The following PCDH15 variants were observed in gnomAD, a reference collection of about 807,000 sequenced individuals.
The protein encoded by PCDH15 is protocadherin related 15.
In PCDH15, 129 loss-of-function variants were observed where a neutral mutation model predicts 178.5. The ratio of observed to expected loss-of-function variants is 0.72; its 90% CI spans 0.63 to 0.84. PCDH15 has a LOEUF of 0.84. PCDH15 is among the 40% of genes least tolerant of loss of function. The pLI is 0.00. For missense variants in PCDH15, 2,230 were observed against 2,099.9 expected, an observed-to-expected ratio of 1.06 and a Z score of -1.21; for synonymous variants, 800 against 732.0, an observed-to-expected ratio of 1.09 and a Z score of -1.50.
At chr10:54,810,840 T>C (rs999068418) in intron 3 of PCDH15, among the ~76,000 whole-genome samples, 4 of 152,172 alleles carry the variant, frequency 2.6e-5, no homozygotes, top group African/African-American at 9.6e-5. Flanking sequence ...CATAGGCTAA[T>C]TTTTGAGAAA....
At chr10:54,484,821 G>C (rs11004334) in intron 3 of PCDH15, among the ~76,000 whole-genome samples, 1 of 151,774 alleles carries the variant, frequency 6.6e-6, no homozygotes, top group African/African-American at 2.4e-5. Flanking sequence ...AAGAAGCCTT[G>C]TTTGATAGTG....
intron 2 of PCDH15, among the ~76,000 whole-genome samples, chr10:54,980,501 C>T (rs774643327): frequency 9.2e-5 from 14 of 151,914 alleles, no homozygotes; most frequent in Non-Finnish European, 1.8e-4. Flanking sequence ...TTCAAGTATT[C>T]TGCATTTAGT....
chr10:55,520,157 A>G (rs1411973778), intron 2 of PCDH15, among the ~76,000 whole-genome samples: 1 of 96,524 alleles, frequency 1.0e-5, no homozygotes, highest in Admixed American at 1.2e-4. Flanking sequence ...TATACACGCA[A>G]TGTGTATATA....
intron 2 of PCDH15, among the ~76,000 whole-genome samples, chr10:54,563,360 C>T (rs2088503503): frequency 6.6e-6 from 1 of 152,074 alleles, no homozygotes; most frequent in Admixed American, 6.6e-5. Context: ...TTTGTTCTTG[C>T]ATTTGAACAA....
chr10:54,415,432 A>G (rs895330086), intron 3 of PCDH15, among the ~76,000 whole-genome samples: 4 of 152,056 alleles, frequency 2.6e-5, no homozygotes, highest in African/African-American at 7.2e-5. Flanking sequence ...GAGAAGTACT[A>G]AAGTAAGTAA....
intron 2 of PCDH15, among the ~76,000 whole-genome samples, chr10:54,972,094 G>A (rs985977877): frequency 6.6e-6 from 1 of 152,088 alleles, no homozygotes; most frequent in Non-Finnish European, 1.5e-5. Flanking sequence ...TACTTCCCAC[G>A]GGGCTTCAAA....
chr10:55,206,879 G>A (rs1840416838), intron 1 of PCDH15, among the ~76,000 whole-genome samples: 1 of 152,016 alleles, frequency 6.6e-6, no homozygotes, highest in African/African-American at 2.4e-5. Context: ...AGATAGATAT[G>A]ATGAATGATT....
At chr10:55,465,256 C>G (rs1038809181) in intron 2 of PCDH15, among the ~76,000 whole-genome samples, 1 of 152,110 alleles carries the variant, frequency 6.6e-6, no homozygotes, top group African/African-American at 2.4e-5. Flanking sequence ...GAGTCCAAAA[C>G]AGTATGGAGG....
chr10:55,559,022 C>T (rs898097394), intron 2 of PCDH15, among the ~76,000 whole-genome samples: 2 of 152,078 alleles, frequency 1.3e-5, no homozygotes, highest in Non-Finnish European at 2.9e-5. Context: ...CCTTATGTCA[C>T]CTCCCAGTGC....
chr10:55,001,091 C>T (rs765897265), intron 2 of PCDH15, among the ~76,000 whole-genome samples: 1 of 152,152 alleles, frequency 6.6e-6, no homozygotes, highest in Non-Finnish European at 1.5e-5. Flanking sequence ...GAGAGCTAGA[C>T]ATTCACAGGG....
At chr10:54,640,482 A>AT (rs1463421744) in intron 2 of PCDH15, among the ~76,000 whole-genome samples, 1 of 152,038 alleles carries the variant, frequency 6.6e-6, no homozygotes, top group Non-Finnish European at 1.5e-5. Flanking sequence ...CTGAACAATG[A>AT]TTTTTTTCCT....
intron 3 of PCDH15, among the ~76,000 whole-genome samples, chr10:54,408,708 ACT>A (rs375847080): frequency 2.7e-4 from 41 of 152,298 alleles, no homozygotes; most frequent in Non-Finnish European, 5.1e-4. Flanking sequence ...GATTGGGGTT[ACT>A]CTGACAAGAT....
intron 2 of PCDH15, among the ~76,000 whole-genome samples, chr10:55,112,413 C>T (rs1389009075): frequency 2.6e-5 from 4 of 151,672 alleles, no homozygotes; most frequent in African/African-American, 9.7e-5. Context: ...GAAAGCGAAG[C>T]AGGAAAATAG....
At position 54,198,650 on chromosome 10, in the gene PCDH15, C is replaced by T. The variant is rs953590850; in HGVS notation, c.1099-2761G>A. ...CCAAGTAGTTGGGACTACAGGCGCC[C>T]GCCACTACGCCCGGCTAATTTTTTG... On this transcript the variant is annotated intron_variant, in intron 10 of 37. Coordinates refer to ENST00000644397, the MANE Select transcript of PCDH15 (RefSeq NM_001384140.1). Among the ~76,000 whole-genome samples the T allele has an allele frequency of 5.8e-5, 7 of 121,436 alleles. 3 individuals carry two copies. Among genetic ancestry groups the T allele is most frequent in the African/African-American group, 3.1e-4 (7 of 22,444 alleles). 79.7% of individuals were successfully genotyped at this position (121,436 alleles called of 152,430 possible).
intron 9 of PCDH15, among the ~76,000 whole-genome samples, chr10:54,225,282 T>C (rs1182066003): frequency 6.6e-6 from 1 of 152,206 alleles, no homozygotes; most frequent in East Asian, 1.9e-4. Context: ...CTCTTCATGG[T>C]ACATGATACG....
chr10:54,034,746 C>T (rs1037208307), intron 18 of PCDH15, among the ~76,000 whole-genome samples: 20 of 152,008 alleles, frequency 1.3e-4, no homozygotes, highest in African/African-American at 4.6e-4. Context: ...CTAGTACCTT[C>T]CTGTGTGCTA....
chr10:55,248,558 T>C (rs1160498096), intron 1 of PCDH15, among the ~76,000 whole-genome samples: 1 of 152,052 alleles, frequency 6.6e-6, no homozygotes, highest in Non-Finnish European at 1.5e-5. Context: ...AATAAAAATA[T>C]TTAGTATTGT....
chr10:54,060,402 T>A (rs2093988754), intron 18 of PCDH15, among the ~76,000 whole-genome samples: 1 of 152,136 alleles, frequency 6.6e-6, no homozygotes, highest in Non-Finnish European at 1.5e-5. Context: ...TTGCATTTAG[T>A]TCATAGTGTT....
rs1554845542 is a variant in PCDH15, at chr10:53,888,702, T to TATATATATATATATATATATA, written c.3501+14540_3501+14541insTATATATATATATATATATAT. Among the ~76,000 whole-genome samples, 283 of 46,190 alleles carry TATATATATATATATATATATA rather than the reference T, an allele frequency of 6.1e-3. 87 individuals are homozygous for TATATATATATATATATATATA. The highest frequency in any genetic ancestry group is 8.9e-3 in the Non-Finnish European group (198 of 22,334). 30.3% of individuals were successfully genotyped at this position (46,190 alleles called of 152,430 possible). ...ATATATATATATATATATATATATA[T>TATATATATATATATATATATA]ATCTCCTGTGGAAATTGATAAGCTG... On this transcript the variant is annotated intron_variant, in intron 26 of 37. Transcript: ENST00000644397.
Sources: allele counts gnomAD v4.1 joint callset (sites outside exome capture counted in the v4.1 genomes callset), GRCh38; gene constraint gnomAD v4.1.1; transcripts MANE v1.5; gene names NCBI Gene and HGNC (gene_info 2026-07-23, HGNC 2026-07-21).